LSM14A: variants seen among roughly 807,000 people sequenced by gnomAD.
The protein encoded by LSM14A is LSM14A mRNA processing body assembly factor.
LSM14A carries 14 observed loss-of-function variants against 52.4 expected under a neutral mutation model. The ratio of observed to expected loss-of-function variants is 0.27; its 90% confidence interval spans 0.18 to 0.42. The LOEUF is 0.42. LSM14A is among the 10% of genes least tolerant of loss of function. LSM14A has a pLI of 1.00. For missense variants in LSM14A, 417 were observed against 581.8 expected (o/e 0.72, Z 2.91); for synonymous variants, 185 against 200.3 (o/e 0.92, Z 0.64).
At chr19:34,200,383 G>A (rs1273208170) in intron 3 of LSM14A, among the ~76,000 whole-genome samples, 4 of 152,148 alleles carry the variant, frequency 2.6e-5, no homozygotes, top group Non-Finnish European at 5.9e-5. Context: ...GGACTACTAA[G>A]GAACTTTTGA....
chr19:34,226,064 AAAAAAAAAG>A (rs977818533), intron 9 of LSM14A, among the ~76,000 whole-genome samples: 5 of 152,074 alleles, frequency 3.3e-5, no homozygotes, highest in African/African-American at 1.2e-4. Context: ...CTGTCTCAAA[AAAAAAAAAG>A]AAAAGAAAGA....
Position 34,215,595 on chromosome 19 carries a change from G to A in LSM14A, c.716-1G>A. 1 of 1,611,066 alleles carries A rather than the reference G, an allele frequency of 6.2e-7. No individual in the cohort carries two copies. The highest frequency in any genetic ancestry group is 8.5e-7 in the Non-Finnish European group (1 of 1,177,400). On this transcript the variant is annotated splice_acceptor_variant, in intron 5 of 9. Transcript: ENST00000544216. LOFTEE classifies it high-confidence loss of function. ...GGCACTTTGCATGTCTTCTTCTGTA[G>A]CTGAAGTACACAAAGTTTCAAGGCC...
intron 5 of LSM14A, 70 bp downstream of exon 5, chr19:34,215,370 G>A (rs545125403): frequency 2.6e-4 from 359 of 1,398,284 alleles, no homozygotes; most frequent in African/African-American, 2.4e-3. Flanking sequence ...ATTTTCATTA[G>A]AAGGATTTAC....
intron 3 of LSM14A, among the ~76,000 whole-genome samples, chr19:34,201,370 T>C (rs2071274917): frequency 6.6e-6 from 1 of 152,204 alleles, no homozygotes; most frequent in African/African-American, 2.4e-5. Context: ...TGAGATGGCG[T>C]CTTGCTCTGT....
At chr19:34,189,433 C>T (rs2070183047) in intron 1 of LSM14A, among the ~76,000 whole-genome samples, 2 of 152,128 alleles carry the variant, frequency 1.3e-5, no homozygotes, top group Admixed American at 6.6e-5. Flanking sequence ...AGCATAGTAC[C>T]TGGGACAGGT....
At chr19:34,213,747 G>T (rs556564413) in intron 4 of LSM14A, among the ~76,000 whole-genome samples, 8 of 152,280 alleles carry the variant, frequency 5.3e-5, no homozygotes, top group African/African-American at 1.7e-4. Flanking sequence ...AAAATATAAT[G>T]TATAAGTACA....
chr19:34,193,047 T>C (rs778705674), intron 1 of LSM14A, among the ~76,000 whole-genome samples: 36 of 152,208 alleles, frequency 2.4e-4, no homozygotes, highest in African/African-American at 8.2e-4. Flanking sequence ...AAATGAAATA[T>C]GATGTTTCAT....
chr19:34,182,420 A>T (rs1013186722), intron 1 of LSM14A, among the ~76,000 whole-genome samples: 1 of 151,890 alleles, frequency 6.6e-6, no homozygotes, highest in Non-Finnish European at 1.5e-5. Context: ...GGAAGCTTTT[A>T]TTTAGAATTC....
At chr19:34,207,079 T>C (rs2071754705) in intron 3 of LSM14A, among the ~76,000 whole-genome samples, 1 of 152,082 alleles carries the variant, frequency 6.6e-6, no homozygotes, top group African/African-American at 2.4e-5. Context: ...GTGGAAAAAA[T>C]AAAACTTGAC....
chr19:34,183,337 G>A (rs1270220621), intron 1 of LSM14A, among the ~76,000 whole-genome samples: 1 of 152,124 alleles, frequency 6.6e-6, no homozygotes, highest in Non-Finnish European at 1.5e-5. Flanking sequence ...CGGATTACGA[G>A]GTCAGGAGTT....
intron 1 of LSM14A, among the ~76,000 whole-genome samples, chr19:34,192,775 G>C (rs888027702): frequency 6.7e-6 from 1 of 150,272 alleles, no homozygotes; most frequent in Non-Finnish European, 1.5e-5. Flanking sequence ...AGGAGTTCTA[G>C]ACCAGTCTGG....
At chr19:34,183,687 A>G (rs2069673551) in intron 1 of LSM14A, among the ~76,000 whole-genome samples, 1 of 152,248 alleles carries the variant, frequency 6.6e-6, no homozygotes, top group Admixed American at 6.5e-5. Flanking sequence ...CCGCAACCTA[A>G]GTAGTCAGTG....
Position 34,219,477 on chromosome 19 carries a change from A to G in LSM14A, c.868A>G (p.Met290Val), listed in dbSNP as rs117988265. 244 of 1,614,060 alleles carry G rather than the reference A, an allele frequency of 1.5e-4. No homozygotes were observed. In the East Asian group the frequency reaches 5.3e-3, roughly 35 times the overall value. ...GRFGIRRDGP[M>V]KFEKDFDFES... is the part of the protein sequence containing the mutation. Reference sequence around the variant, plus strand: ...ATTTGGTATTCGGCGAGATGGGCCAATGAAATTTGAGAAAGACTTTGACTT... The same window carrying G: ...ATTTGGTATTCGGCGAGATGGGCCAGTGAAATTTGAGAAAGACTTTGACTT... The change falls in exon 7 of 10, where the codon ATG becomes GTG. Residue 290 changes from methionine to valine, a missense_variant. By Grantham distance (21) the Met-to-Val change is conservative. Around this residue, in one of 2 missense-constraint regions of LSM14A, gnomAD observed 357 missense variants for 457.0 expected, o/e 0.78. Coordinates refer to ENST00000544216, the MANE Select transcript of LSM14A (RefSeq NM_015578.4).
chr19:34,173,065 C>T (rs538443673), intron 1 of LSM14A, among the ~76,000 whole-genome samples: 1 of 152,370 alleles, frequency 6.6e-6, no homozygotes, highest in Admixed American at 6.5e-5. Flanking sequence ...TCTTCCAACT[C>T]CGAAATTCGG....
At chr19:34,213,265 T>C (rs1277939865) in intron 4 of LSM14A, among the ~76,000 whole-genome samples, 1 of 152,240 alleles carries the variant, frequency 6.6e-6, no homozygotes, top group African/African-American at 2.4e-5. Flanking sequence ...GGAAAAATTG[T>C]AATGCTTCTA....
At chr19:34,215,485 G>A in intron 5 of LSM14A, 111 bp from the exon 6 acceptor site, 1 of 1,136,676 alleles carries the variant, frequency 8.8e-7, no homozygotes, top group Non-Finnish European at 1.3e-6. Context: ...TTTGGGCATT[G>A]CACAGGCTTT....
At chr19:34,204,683 A>G (rs575148654) in intron 3 of LSM14A, among the ~76,000 whole-genome samples, 44 of 152,252 alleles carry the variant, frequency 2.9e-4, no homozygotes, top group African/African-American at 1.1e-3. Context: ...CTGCTGCTGC[A>G]CTCCAGGAAA....
intron 3 of LSM14A, among the ~76,000 whole-genome samples, chr19:34,202,142 T>C (rs2145716443): frequency 6.6e-6 from 1 of 151,594 alleles, no homozygotes; most frequent in East Asian, 1.9e-4. Context: ...TTTTTTTTTT[T>C]TTTCCATTTG....
chr19:34,224,858 T>C (rs908270557), intron 9 of LSM14A, among the ~76,000 whole-genome samples: 1 of 152,228 alleles, frequency 6.6e-6, no homozygotes, highest in African/African-American at 2.4e-5. Context: ...CCCAGCCCTT[T>C]TGATGTTTAC....
Sources: allele counts gnomAD v4.1 joint callset (sites outside exome capture counted in the v4.1 genomes callset), GRCh38; gene constraint gnomAD v4.1.1; regional missense constraint gnomAD v4.1.1; transcripts MANE v1.5; gene names NCBI Gene and HGNC (gene_info 2026-07-23, HGNC 2026-07-21).